RBFOX1: variants seen among roughly 807,000 people sequenced by gnomAD.
The protein encoded by RBFOX1 is RNA binding fox-1 homolog 1.
RBFOX1 carries 8 observed loss-of-function variants against 57.7 expected under a neutral mutation model. That is an observed-to-expected ratio of 0.14 (90% CI 0.08 to 0.25). The LOEUF (loss-of-function observed/expected upper bound fraction) is 0.25, where lower values mean the gene tolerates loss of function less well. Among genes scored for constraint, RBFOX1 ranks in the 10% least tolerant of loss-of-function variants. The pLI, the probability that RBFOX1 is intolerant of heterozygous loss-of-function variation, is 1.00. For missense variants in RBFOX1, 611 were observed against 548.5 expected, an observed-to-expected ratio of 1.11 and a Z score of -1.14; for synonymous variants, 326 against 222.4, an observed-to-expected ratio of 1.47 and a Z score of -4.15.
At chr16:7,128,818 CTTTTTTTTT>C (rs759893956) in intron 4 of RBFOX1, among the ~76,000 whole-genome samples, 2 of 126,970 alleles carry the variant, frequency 1.6e-5, no homozygotes, top group African/African-American at 6.0e-5. Context: ...TTTCTTTTTA[CTTTTTTTTT>C]TTTTTTTTTT....
In RBFOX1 at chr16:5,563,683, A is replaced by G. The variant is rs56872690; in HGVS notation, c.259-35219A>G. On this transcript the variant is annotated intron_variant, in intron 2 of 2. Coordinates refer to the RBFOX1 transcript ENST00000585867. ...TTTTTAAAATTACAGCTTTATTGAT[A>G]TATAATTCATATGATATACAATTCC... Among the ~76,000 whole-genome samples, 965 of 152,320 alleles carry G rather than the reference A, an allele frequency of 6.3e-3. 12 individuals are homozygous for G. Among genetic ancestry groups the G allele is most frequent in the African/African-American group, 0.022 (925 of 41,578 alleles).
intron 3 of RBFOX1, among the ~76,000 whole-genome samples, chr16:6,958,490 G>A (rs186467907): frequency 6.6e-6 from 1 of 152,264 alleles, no homozygotes; most frequent in Admixed American, 6.5e-5. Flanking sequence ...AAGGCGTTCT[G>A]TGATACAATG....
intron 3 of RBFOX1, among the ~76,000 whole-genome samples, chr16:6,728,373 G>GT (rs1302239244): frequency 8.6e-5 from 2 of 23,242 alleles, no homozygotes; most frequent in Non-Finnish European, 2.5e-3. Context: ...CCAATGTCTT[G>GT]TCGTTGTTTC....
rs115671145 is a variant in RBFOX1, at chr16:7,644,945, G to A, written c.758-8870G>A. Among the ~76,000 whole-genome samples, 1,227 of 152,248 alleles carry A rather than the reference G, an allele frequency of 8.1e-3. 17 individuals are homozygous for A. Among genetic ancestry groups the A allele is most frequent in the African/African-American group, 0.028 (1,166 of 41,540 alleles). ...AGCCTGGACAAAGGAGAGAGAATCTGCCAAAAGCCACTGAAATACAGCCAA... is the reference window on the plus strand; with the variant it reads ...AGCCTGGACAAAGGAGAGAGAATCTACCAAAAGCCACTGAAATACAGCCAA... On this transcript the variant is annotated intron_variant, in intron 11 of 15. Transcript: ENST00000550418.
chr16:7,438,691 A>G (rs969141895), intron 4 of RBFOX1, among the ~76,000 whole-genome samples: 2 of 152,208 alleles, frequency 1.3e-5, no homozygotes, highest in African/African-American at 4.8e-5. Flanking sequence ...AACGTGCTAA[A>G]GTCGGCTTCA....
intron 5 of RBFOX1, among the ~76,000 whole-genome samples, chr16:7,546,699 A>G (rs1374172360): frequency 1.3e-5 from 2 of 152,348 alleles, no homozygotes; most frequent in South Asian, 4.1e-4. Flanking sequence ...ATGACTATTC[A>G]GATTTTAACT....
At chr16:5,736,327 T>C (rs2052570022) in intron 3 of RBFOX1, among the ~76,000 whole-genome samples, 2 of 152,126 alleles carry the variant, frequency 1.3e-5, no homozygotes, top group Non-Finnish European at 2.9e-5. Flanking sequence ...ATCAGATGTG[T>C]CACTATCTAT....
intron 4 of RBFOX1, among the ~76,000 whole-genome samples, chr16:7,232,056 C>T (rs764384544): frequency 1.3e-5 from 2 of 151,974 alleles, no homozygotes; most frequent in African/African-American, 2.4e-5. Flanking sequence ...GACAGAGTCT[C>T]GGTCTGTCAC....
intron 3 of RBFOX1, among the ~76,000 whole-genome samples, chr16:7,008,352 G>A (rs1188901013): frequency 6.6e-6 from 1 of 151,982 alleles, no homozygotes; most frequent in African/African-American, 2.4e-5. Context: ...GACCATTCTG[G>A]CCAGTATGAT....
chr16:6,632,114 G>C (rs12933390), intron 2 of RBFOX1, among the ~76,000 whole-genome samples: 103,643 of 151,896 alleles, frequency 0.68, 36,095 homozygotes, highest in South Asian at 0.86. Flanking sequence ...TCTGTCCCTT[G>C]TTAATTGTGT....
Position 7,099,042 on chromosome 16 carries a change from C to G in RBFOX1, c.27+46944C>G, listed in dbSNP as rs2062189154. On this transcript the variant is annotated intron_variant, in intron 4 of 15. Transcript: ENST00000550418. ...CCAAACTCTCTCTTGTTAAATAGTT[C>G]ACAAACTATCCTTGCATAGTATCTT... 2.0e-5 allele frequency among the ~76,000 whole-genome samples: 3 copies of G among 152,202 alleles called. No individual in the cohort carries two copies. In the South Asian group the frequency reaches 6.2e-4, roughly 32 times the overall value.
In RBFOX1 at chr16:6,943,313, A is replaced by G. The variant is rs187083046; in HGVS notation, c.-15-108744A>G. Among the ~76,000 whole-genome samples, 518 of 152,332 alleles carry G rather than the reference A, an allele frequency of 3.4e-3. 5 individuals carry two copies. Among genetic ancestry groups the G allele is most frequent in the African/African-American group, 0.012 (496 of 41,576 alleles). ...TTAAAGAGGGTGTTAAAGCAAACCA[A>G]ATATGGCTTGAAAAGGACTGCATAC... On this transcript the variant is annotated intron_variant, in intron 3 of 15. Coordinates refer to ENST00000550418, the MANE Select transcript of RBFOX1 (RefSeq NM_018723.4).
At chr16:6,960,263 G>C (rs900681530) in intron 3 of RBFOX1, among the ~76,000 whole-genome samples, 1 of 152,152 alleles carries the variant, frequency 6.6e-6, no homozygotes, top group Non-Finnish European at 1.5e-5. Context: ...GGCTGCAGAG[G>C]AAGGTCTTCA....
chr16:5,912,227 G>C (rs571163163), intron 4 of RBFOX1, among the ~76,000 whole-genome samples: 63 of 152,220 alleles, frequency 4.1e-4, no homozygotes, highest in African/African-American at 1.4e-3. Context: ...GTTTGCTGAG[G>C]TTACCTCTTA....
intron 2 of RBFOX1, among the ~76,000 whole-genome samples, chr16:5,544,586 A>G (rs1473941499): frequency 6.6e-6 from 1 of 152,176 alleles, no homozygotes; most frequent in East Asian, 1.9e-4. Context: ...ATAGAGAAAA[A>G]TCAATAAAAC....
At chr16:7,230,150 T>G (rs2093416269) in intron 4 of RBFOX1, among the ~76,000 whole-genome samples, 1 of 151,400 alleles carries the variant, frequency 6.6e-6, no homozygotes, top group African/African-American at 2.4e-5. Context: ...CCTCATCCTT[T>G]TTTTCTGCGT....
chr16:6,723,442 A>C (rs907701325), intron 3 of RBFOX1, among the ~76,000 whole-genome samples: 3 of 152,318 alleles, frequency 2.0e-5, no homozygotes, highest in African/African-American at 7.2e-5. Context: ...ATTGGTGAAC[A>C]CACAAAAGGG....
intron 1 of RBFOX1, among the ~76,000 whole-genome samples, chr16:5,393,265 C>T (rs1226986414): frequency 6.6e-6 from 1 of 152,184 alleles, no homozygotes; most frequent in African/African-American, 2.4e-5. Flanking sequence ...AACTTAGGAG[C>T]TCCACAATTA....
At chr16:7,198,347 G>C (rs537268057) in intron 4 of RBFOX1, among the ~76,000 whole-genome samples, 8 of 152,248 alleles carry the variant, frequency 5.3e-5, no homozygotes, top group African/African-American at 1.9e-4. Context: ...AAAATGTTTT[G>C]AAACTAGACA....
Sources: allele counts gnomAD v4.1 joint callset (sites outside exome capture counted in the v4.1 genomes callset), GRCh38; gene constraint gnomAD v4.1.1; transcripts MANE v1.5; gene names NCBI Gene and HGNC (gene_info 2026-07-23, HGNC 2026-07-21).